The following CRPPA variants were observed in gnomAD, a reference collection of about 807,000 sequenced individuals.
CRPPA encodes D-ribitol-5-phosphate cytidylyltransferase.
CRPPA carries 43 observed loss-of-function variants against 52.0 expected under a neutral mutation model. The observed-to-expected ratio is 0.83, with a 90% confidence interval of 0.65 to 1.07. The LOEUF (loss-of-function observed/expected upper bound fraction) is 1.07, where lower values mean the gene tolerates loss of function less well. CRPPA is among the 50% of genes least tolerant of loss of function. The probability of loss-of-function intolerance (pLI) is 0.00; values close to 1 mark genes in which losing one functional copy is unlikely to be tolerated. For synonymous variants in CRPPA, 250 were observed against 203.5 expected (o/e 1.23, Z -1.94); for missense variants, 629 against 551.7 (o/e 1.14, Z -1.40).
At chr7:16,380,782 G>T (rs991609928) in intron 2 of CRPPA, among the ~76,000 whole-genome samples, 1 of 152,190 alleles carries the variant, frequency 6.6e-6, no homozygotes, top group Non-Finnish European at 1.5e-5. Context: ...TTTCCTAGAG[G>T]TGTTTGAGGT....
intron 8 of CRPPA, among the ~76,000 whole-genome samples, chr7:16,239,689 G>C (rs1304354595): frequency 1.3e-5 from 2 of 150,954 alleles, no homozygotes; most frequent in African/African-American, 4.9e-5. Flanking sequence ...GCCTAACAAA[G>C]TCTAGTTTCA....
intron 9 of CRPPA, among the ~76,000 whole-genome samples, chr7:16,097,588 G>C (rs1562501459): frequency 6.6e-6 from 1 of 152,104 alleles, no homozygotes; most frequent in Non-Finnish European, 1.5e-5. Flanking sequence ...TAATGAAGTC[G>C]TGTCAATAAA....
At chr7:16,371,695 G>A (rs117651457) in intron 3 of CRPPA, among the ~76,000 whole-genome samples, 2,624 of 151,512 alleles carry the variant, frequency 0.017, 50 homozygotes, top group East Asian at 0.13. Flanking sequence ...CCCAAGCAAT[G>A]GATACAAACC....
chr7:16,271,766 CT>C (rs1438240454), intron 6 of CRPPA, among the ~76,000 whole-genome samples: 1 of 152,120 alleles, frequency 6.6e-6, no homozygotes, highest in Non-Finnish European at 1.5e-5. Flanking sequence ...TTATGTTTTC[CT>C]TAGAATATTC....
chr7:16,408,321 TGC>T (rs1788003206), intron 1 of CRPPA, among the ~76,000 whole-genome samples: 1 of 152,056 alleles, frequency 6.6e-6, no homozygotes, highest in South Asian at 2.1e-4. Flanking sequence ...AAAGGGAGTT[TGC>T]ACTGAGACAC....
At chr7:16,302,220 C>T (rs768513556) in intron 4 of CRPPA, among the ~76,000 whole-genome samples, 26 of 130,878 alleles carry the variant, frequency 2.0e-4, no homozygotes, top group Non-Finnish European at 2.9e-4. Flanking sequence ...GGCGTGAACC[C>T]GGGAGGCGGA....
chr7:16,100,715 T>C (rs966619137), intron 9 of CRPPA, among the ~76,000 whole-genome samples: 1 of 152,218 alleles, frequency 6.6e-6, no homozygotes, highest in Non-Finnish European at 1.5e-5. Flanking sequence ...AGAGAGGGCA[T>C]CCTTGTCTTG....
intron 9 of CRPPA, among the ~76,000 whole-genome samples, chr7:16,198,889 A>G (rs1239557165): frequency 6.6e-6 from 1 of 152,162 alleles, no homozygotes; most frequent in East Asian, 1.9e-4. Flanking sequence ...TAAGAACTGT[A>G]GAACTTCCAA....
At chr7:16,297,635 T>C (rs2128421990) in intron 5 of CRPPA, among the ~76,000 whole-genome samples, 1 of 152,348 alleles carries the variant, frequency 6.6e-6, no homozygotes, top group Non-Finnish European at 1.5e-5. Context: ...TCCAAAAAGT[T>C]CTTAAAACCA....
intron 9 of CRPPA, among the ~76,000 whole-genome samples, chr7:16,196,098 T>A (rs1319082580): frequency 6.6e-6 from 1 of 151,108 alleles, no homozygotes; most frequent in Non-Finnish European, 1.5e-5. Flanking sequence ...TATGTGTATA[T>A]ACAAACATGT....
At chr7:16,110,696 C>T (rs183246854) in intron 9 of CRPPA, among the ~76,000 whole-genome samples, 147 of 151,992 alleles carry the variant, frequency 9.7e-4, no homozygotes, top group Middle Eastern at 6.8e-3. Flanking sequence ...TAATGTGAAA[C>T]GGATAATTTT....
chr7:16,412,788 T>C (rs1268945125), intron 1 of CRPPA, among the ~76,000 whole-genome samples: 1 of 152,200 alleles, frequency 6.6e-6, no homozygotes, highest in Admixed American at 6.5e-5. Flanking sequence ...TTCTCCTGAA[T>C]ATTTCCTTTC....
chr7:16,371,157 T>C (rs1786739000), intron 3 of CRPPA, among the ~76,000 whole-genome samples: 1 of 152,130 alleles, frequency 6.6e-6, no homozygotes, highest in Non-Finnish European at 1.5e-5. Flanking sequence ...TTATCAAGGC[T>C]AGGACCTCTG....
chr7:16,322,756 A>T (rs1057432119), intron 3 of CRPPA, among the ~76,000 whole-genome samples: 1 of 152,132 alleles, frequency 6.6e-6, no homozygotes, highest in African/African-American at 2.4e-5. Context: ...CCACAACCGT[A>T]TATTGGGTAT....
intron 2 of CRPPA, among the ~76,000 whole-genome samples, 178 bp from the exon 3 acceptor site, chr7:16,376,419 T>C (rs1562663073): frequency 6.6e-6 from 1 of 152,116 alleles, no homozygotes; most frequent in Non-Finnish European, 1.5e-5. Flanking sequence ...AAAAAATCAA[T>C]TTTGTAGTAT....
intron 9 of CRPPA, among the ~76,000 whole-genome samples, chr7:16,129,252 T>C (rs988758852): frequency 5.3e-5 from 8 of 152,040 alleles, no homozygotes; most frequent in African/African-American, 1.9e-4. Flanking sequence ...TACCTTCAGA[T>C]CTCTGCTTGG....
At chr7:16,216,295 T>A (rs1782307821) in intron 8 of CRPPA, 98 bp from the exon 9 acceptor site, 5 of 699,718 alleles carry the variant, frequency 7.1e-6, no homozygotes, top group Non-Finnish European at 1.1e-5. Flanking sequence ...ATGATTACAA[T>A]ATTGCAATAA....
At chr7:16,197,594 C>A (rs1781766689) in intron 9 of CRPPA, among the ~76,000 whole-genome samples, 1 of 151,850 alleles carries the variant, frequency 6.6e-6, no homozygotes, top group African/African-American at 2.4e-5. Context: ...GCCTCTGCCT[C>A]TGCCTCTGAA....
chr7:16,380,457 T>C (rs1187961357), intron 2 of CRPPA, among the ~76,000 whole-genome samples: 2 of 152,192 alleles, frequency 1.3e-5, no homozygotes, highest in East Asian at 1.9e-4. Flanking sequence ...TTCTCTTTTT[T>C]AGTTGTGTCT....
Sources: gnomAD v4.1 joint callset for allele counts (sites outside exome capture counted in the v4.1 genomes callset) on GRCh38, gnomAD v4.1.1 for gene constraint, MANE v1.5 for transcripts, NCBI Gene and HGNC (gene_info 2026-07-23, HGNC 2026-07-21) for gene names.